The following FABP7 variants were observed in gnomAD, a reference collection of about 807,000 sequenced individuals.
FABP7 encodes fatty acid binding protein 7, also known as fatty acid-binding protein, brain.
In FABP7, 13 loss-of-function variants were observed where a neutral mutation model predicts 14.2. The observed-to-expected ratio is 0.91, with a 90% CI of 0.59 to 1.45. The LOEUF is 1.45. FABP7 is among the 40% of genes most tolerant of loss of function. FABP7 has a pLI of 0.00. For missense variants in FABP7, 149 were observed against 157.6 expected, an observed-to-expected ratio of 0.95 and a Z score of 0.29; for synonymous variants, 49 against 51.4, an observed-to-expected ratio of 0.95 and a Z score of 0.20.
At chr6:122,762,741 C>T in the FABP7 span, among the ~76,000 whole-genome samples, 2 of 152,192 alleles carry the variant, frequency 1.3e-5, no homozygotes, top group Admixed American at 6.5e-5. Context: ...TTTCTATACA[C>T]AAATAACAGA....
At chr6:122,769,332 G>A in the FABP7 span, among the ~76,000 whole-genome samples, 176 of 152,066 alleles carry the variant, frequency 1.2e-3, no homozygotes, top group African/African-American at 4.2e-3. Context: ...AAGACTCAAA[G>A]GTCTTCAAAA....
rs1295926651 is a variant in FABP7, at chr6:122,780,343, T to C, written c.126T>C (p.Ile42=). 31 of 1,613,942 alleles carry C rather than the reference T, an allele frequency of 1.9e-5. No homozygotes were observed. Among genetic ancestry groups the C allele is most frequent in the Non-Finnish European group, 2.6e-5 (31 of 1,180,016 alleles). Residue 42 remains isoleucine (I), a synonymous_variant, in exon 2 of 4, where the codon ATT becomes ATC. Transcript: ENST00000368444. ...GAAATGTGACCAAACCAACGGTAAT[T>C]ATCAGTCAAGAAGGAGACAAAGTGG... ...QVGNVTKPTV[I]ISQEGDKVVI... is the part of the protein sequence containing the mutation.
chr6:122,777,790 C>T (rs1780700443), upstream of FABP7, among the ~76,000 whole-genome samples: 1 of 151,700 alleles, frequency 6.6e-6, no homozygotes, highest in African/African-American at 2.4e-5. Context: ...TTGCAGTGGG[C>T]TGAGATCGCG....
rs981404421 is a variant in FABP7, at chr6:122,782,050, C to T, written c.348+856C>T. 14 of 985,156 alleles carry T rather than the reference C, an allele frequency of 1.4e-5. No individual in the cohort carries two copies. The African/African-American group carries it at 2.4e-4, about 17-fold the overall frequency. The allele number at this position is 985,156 out of a possible 1,614,324, so 61.0% of individuals were successfully genotyped here. On this transcript the variant is annotated intron_variant, in intron 3 of 3. Transcript: ENST00000368444. ...TACAGGCCTGAGCCAAGGCTCCCAGCCCCCAAAGAGAACCATTTTGATGTT... is the reference window on the plus strand; with the variant it reads ...TACAGGCCTGAGCCAAGGCTCCCAGTCCCCAAAGAGAACCATTTTGATGTT...
At chr6:122,749,423 A>G in the FABP7 span, among the ~76,000 whole-genome samples, 1 of 152,214 alleles carries the variant, frequency 6.6e-6, no homozygotes, top group Non-Finnish European at 1.5e-5. Context: ...GATAATAGTG[A>G]AAATTAAGTG....
At chr6:122,757,176 GTA>G in the FABP7 span, among the ~76,000 whole-genome samples, 2 of 152,128 alleles carry the variant, frequency 1.3e-5, no homozygotes, top group Admixed American at 6.5e-5. Flanking sequence ...TGCCTTGAGT[GTA>G]TAATAGACAT....
At chr6:122,767,931 AG>A in the FABP7 span, among the ~76,000 whole-genome samples, 1 of 152,088 alleles carries the variant, frequency 6.6e-6, no homozygotes, top group African/African-American at 2.4e-5. Context: ...TTTGGTCATA[AG>A]AAGCTACTTT....
At chr6:122,753,794 C>T in the FABP7 span, among the ~76,000 whole-genome samples, 32 of 105,236 alleles carry the variant, frequency 3.0e-4, 2 homozygotes, top group African/African-American at 1.1e-3. Flanking sequence ...GCCCCCCCCC[C>T]GCCCACAGAA....
the FABP7 span, among the ~76,000 whole-genome samples, chr6:122,767,823 T>C: frequency 6.6e-6 from 1 of 151,652 alleles, no homozygotes; most frequent in Non-Finnish European, 1.5e-5. Context: ...GTGAATATCT[T>C]TTGGACCTTG....
chr6:122,763,571 G>A, the FABP7 span, among the ~76,000 whole-genome samples: 66 of 152,250 alleles, frequency 4.3e-4, no homozygotes, highest in African/African-American at 1.5e-3. Flanking sequence ...CTTCTGCACG[G>A]CAAAAGAAAC....
In FABP7 at chr6:122,783,897, G is replaced by T; in HGVS notation, c.*130G>T. ...CCTTGGTGTGGAGGTGGAAAATGGT[G>T]ATTTAAAAACTTGTTACTCCAAGCA... On this transcript the variant is annotated 3_prime_UTR_variant, in exon 4 of 4. Transcript: ENST00000368444. 1.4e-6 allele frequency: 1 copy of T among 699,426 alleles called. No homozygotes were observed. The highest frequency in any genetic ancestry group is 2.3e-6 in the Non-Finnish European group (1 of 435,478). The allele number at this position is 699,426 out of a possible 1,614,324, so 43.3% of individuals were successfully genotyped here. A position where few individuals can be genotyped will look rare whatever the true frequency, so the allele number is the denominator to read the frequency against.
chr6:122,759,386 G>A, the FABP7 span, among the ~76,000 whole-genome samples: 2 of 152,116 alleles, frequency 1.3e-5, no homozygotes, highest in African/African-American at 4.8e-5. Context: ...GTTAAAAACT[G>A]ATTTCCAACA....
the FABP7 span, among the ~76,000 whole-genome samples, chr6:122,750,165 A>C: frequency 1.3e-5 from 2 of 152,146 alleles, no homozygotes; most frequent in Admixed American, 6.5e-5. Context: ...CTAATGTTGA[A>C]TATTTCATGA....
the FABP7 span, among the ~76,000 whole-genome samples, chr6:122,750,602 T>A: frequency 6.6e-6 from 1 of 152,158 alleles, no homozygotes; most frequent in Non-Finnish European, 1.5e-5. Flanking sequence ...ATTAGGAAAG[T>A]GTATTTGGCA....
At chr6:122,751,375 T>C in the FABP7 span, among the ~76,000 whole-genome samples, 1 of 152,214 alleles carries the variant, frequency 6.6e-6, no homozygotes, top group Non-Finnish European at 1.5e-5. Context: ...TGTCCCTATA[T>C]TGCAGGTGAT....
chr6:122,758,234 A>G, the FABP7 span, among the ~76,000 whole-genome samples: 2 of 151,766 alleles, frequency 1.3e-5, no homozygotes, highest in South Asian at 4.2e-4. Context: ...CAGCCTCCCA[A>G]GTAGCTGGGA....
At chr6:122,757,563 C>G in the FABP7 span, among the ~76,000 whole-genome samples, 1 of 152,000 alleles carries the variant, frequency 6.6e-6, no homozygotes. Flanking sequence ...CCTCAATAAT[C>G]ACAAATTAAA....
the FABP7 span, among the ~76,000 whole-genome samples, chr6:122,760,863 G>A: frequency 0.27 from 41,232 of 151,838 alleles, 6,417 homozygotes; most frequent in Non-Finnish European, 0.36. Context: ...ATATATAATA[G>A]TGATATATCA....
At chr6:122,766,925 GATATA>G in the FABP7 span, among the ~76,000 whole-genome samples, 8 of 152,022 alleles carry the variant, frequency 5.3e-5, no homozygotes, top group African/African-American at 1.7e-4. Flanking sequence ...AAGCAGACTA[GATATA>G]ATATGTTTGC....
Sources: allele counts gnomAD v4.1 joint callset (sites outside exome capture counted in the v4.1 genomes callset), GRCh38; gene constraint gnomAD v4.1.1; transcripts MANE v1.5; gene names NCBI Gene and HGNC (gene_info 2026-07-23, HGNC 2026-07-21).